COBLL1: variants seen among roughly 807,000 people sequenced by gnomAD.
COBLL1 encodes cordon-bleu WH2 repeat protein like 1.
A neutral mutation model predicts 94.8 loss-of-function variants in COBLL1; 50 were observed. The observed-to-expected ratio is 0.53, with a 90% CI of 0.42 to 0.67. COBLL1 has a LOEUF of 0.67. Ranked by LOEUF, COBLL1 falls within the 30% of genes least tolerant of loss-of-function variation. The probability of loss-of-function intolerance (pLI) is 0.00; values close to 1 mark genes in which losing one functional copy is unlikely to be tolerated. For missense variants in COBLL1, 1,362 were observed against 1,348.7 expected, an observed-to-expected ratio of 1.01 and a Z score of -0.15; for synonymous variants, 448 against 473.8, an observed-to-expected ratio of 0.95 and a Z score of 0.71.
chr2:164,765,166 TA>T (rs1191673749), intron 2 of COBLL1, among the ~76,000 whole-genome samples: 2 of 152,172 alleles, frequency 1.3e-5, no homozygotes, highest in Non-Finnish European at 2.9e-5. Flanking sequence ...TTAGCATCAC[TA>T]AATACTGGAC....
At position 164,754,407 on chromosome 2, in the gene COBLL1, C is replaced by T. The variant is rs777044818; in HGVS notation, c.42-10532G>A. Among the ~76,000 whole-genome samples the T allele has an allele frequency of 8.5e-5, 13 of 152,234 alleles. 1 individual carries two copies. Among genetic ancestry groups the T allele is most frequent in the Middle Eastern group, 6.8e-3 (2 of 294 alleles). ...TTTCTGAGATTAGGTTACGAAAAGACCATGGTGTTATTTTAGGTACCCTCC... is the reference window on the plus strand; with the variant it reads ...TTTCTGAGATTAGGTTACGAAAAGATCATGGTGTTATTTTAGGTACCCTCC... On this transcript the variant is annotated intron_variant, in intron 2 of 13. Coordinates refer to ENST00000652658, the MANE Select transcript of COBLL1 (RefSeq NM_001365672.2).
At chr2:164,707,294 T>C (rs1459469975) in intron 7 of COBLL1, among the ~76,000 whole-genome samples, 2 of 152,046 alleles carry the variant, frequency 1.3e-5, no homozygotes, top group Non-Finnish European at 2.9e-5. Flanking sequence ...GCATGCAATA[T>C]GACACCTGGC....
chr2:164,715,797 G>T (rs1376630553), intron 7 of COBLL1, among the ~76,000 whole-genome samples: 1 of 151,796 alleles, frequency 6.6e-6, no homozygotes, highest in Non-Finnish European at 1.5e-5. Flanking sequence ...TGCAAAATGA[G>T]ATAAAATAAA....
At chr2:164,717,693 G>T (rs1214082861) in intron 7 of COBLL1, among the ~76,000 whole-genome samples, 2 of 152,096 alleles carry the variant, frequency 1.3e-5, no homozygotes, top group East Asian at 3.9e-4. Flanking sequence ...AGCTGGGACT[G>T]CAGGCACACA....
intron 2 of COBLL1, among the ~76,000 whole-genome samples, chr2:164,801,451 A>C (rs957365252): frequency 8.3e-5 from 12 of 145,398 alleles, no homozygotes; most frequent in African/African-American, 3.1e-4. Context: ...AAAAAAAAAA[A>C]AAAAAAAAAA....
At chr2:164,725,372 A>T (rs1685674311) in intron 5 of COBLL1, among the ~76,000 whole-genome samples, 1 of 151,984 alleles carries the variant, frequency 6.6e-6, no homozygotes, top group African/African-American at 2.4e-5. Flanking sequence ...GTAGATGAAA[A>T]ATTCATATGG....
intron 2 of COBLL1, among the ~76,000 whole-genome samples, chr2:164,820,243 A>T (rs1328792773): frequency 6.6e-6 from 1 of 152,084 alleles, no homozygotes; most frequent in African/African-American, 2.4e-5. Context: ...GTTTTGAGAC[A>T]AGGTCTCACT....
Position 164,686,104 on chromosome 2 carries a change from A to C in COBLL1, c.3301-72T>G. On this transcript the variant is annotated intron_variant, in intron 13 of 13. Transcript: ENST00000652658. ...AGCTGTCTAATTTTCAATTTTCAAC[A>C]GTTACCACATTTTAACTTCTGCTTA... The C allele has an allele frequency of 5.9e-6, 4 of 681,332 alleles. No individual in the cohort carries two copies. In the South Asian group the frequency reaches 8.9e-5, roughly 15 times the overall value. The allele number at this position is 681,332 out of a possible 1,614,324, so 42.2% of individuals were successfully genotyped here.
chr2:164,664,387 T>C (rs572002000), intron 2 of COBLL1, among the ~76,000 whole-genome samples: 4 of 152,370 alleles, frequency 2.6e-5, no homozygotes, highest in East Asian at 1.9e-4. Context: ...ATTAGAGTCA[T>C]TGCCTATATT....
intron 2 of COBLL1, among the ~76,000 whole-genome samples, chr2:164,803,489 C>T (rs1683922574): frequency 6.6e-6 from 1 of 150,602 alleles, no homozygotes; most frequent in Non-Finnish European, 1.5e-5. Context: ...GGCGTGAACC[C>T]GGGAGGCGGA....
intron 2 of COBLL1, among the ~76,000 whole-genome samples, chr2:164,659,021 T>G (rs921308796): frequency 3.3e-5 from 5 of 152,176 alleles, no homozygotes; most frequent in African/African-American, 1.2e-4. Context: ...CAGCCAATAA[T>G]AATCTCCTAA....
chr2:164,706,090 C>T (rs1449147117), intron 7 of COBLL1, among the ~76,000 whole-genome samples: 1 of 152,136 alleles, frequency 6.6e-6, no homozygotes, highest in Admixed American at 6.5e-5. Flanking sequence ...TCCAATTTCT[C>T]TTATCCCACT....
At chr2:164,753,861 C>A (rs1687256226) in intron 2 of COBLL1, among the ~76,000 whole-genome samples, 1 of 151,686 alleles carries the variant, frequency 6.6e-6, no homozygotes, top group East Asian at 1.9e-4. Flanking sequence ...CGTGCCTCAG[C>A]CTCCTGAGTA....
chr2:164,662,314 T>A (rs1404057233), intron 2 of COBLL1, among the ~76,000 whole-genome samples: 1 of 152,138 alleles, frequency 6.6e-6, no homozygotes, highest in Non-Finnish European at 1.5e-5. Context: ...TAGTAAAGCA[T>A]AAGATTACAA....
In COBLL1 at chr2:164,841,613, C is replaced by T. The variant is rs1332176626; in HGVS notation, c.-51+97G>A. ...ACGCCGGCAGCGCACTCCCAGGCTC[C>T]TCCGGCCGAGTTTGCACAAACAAAA... On this transcript the variant is annotated intron_variant, in intron 1 of 13. Transcript: ENST00000652658. The surrounding 1 kb of genome is among the most constrained non-coding windows in gnomAD (Gnocchi z 5.5). 5.1e-5 allele frequency: 19 copies of T among 371,994 alleles called. No individual in the cohort carries two copies. Among genetic ancestry groups the T allele is most frequent in the Non-Finnish European group, 6.9e-5 (16 of 231,590 alleles). The allele number at this position is 371,994 out of a possible 1,614,324, so 23.0% of individuals were successfully genotyped here. A position where few individuals can be genotyped will look rare whatever the true frequency, so the allele number is the denominator to read the frequency against.
rs550669755 is a variant in COBLL1 at position 164,684,948 on chromosome 2, C to T, written c.*998G>A. On this transcript the variant is annotated 3_prime_UTR_variant, in exon 14 of 14. Coordinates refer to ENST00000652658, the MANE Select transcript of COBLL1 (RefSeq NM_001365672.2). ...TCTAGACTCCGGAAGAGCTGTAAGC[C>T]GACAAATGGGCATTGTTTTGCTTAA... 7 of 152,122 alleles carry T rather than the reference C, an allele frequency of 4.6e-5. No homozygotes were observed. The East Asian group carries it at 1.2e-3, about 25-fold the overall frequency. The allele number at this position is 152,122 out of a possible 1,614,324, so 9.4% of individuals were successfully genotyped here.
chr2:164,823,478 A>AATAT (rs1279084205), intron 2 of COBLL1, among the ~76,000 whole-genome samples: 14 of 152,114 alleles, frequency 9.2e-5, no homozygotes, highest in Admixed American at 9.2e-4. Flanking sequence ...GCAAACTTCC[A>AATAT]AACCTCTTAC....
chr2:164,673,177 T>C (rs1396694660), intron 1 of COBLL1, among the ~76,000 whole-genome samples: 1 of 152,236 alleles, frequency 6.6e-6, no homozygotes, highest in East Asian at 1.9e-4. Flanking sequence ...TTGTCTGTTC[T>C]CTTGTTAAAA....
intron 2 of COBLL1, among the ~76,000 whole-genome samples, chr2:164,761,906 C>T (rs1687701738): frequency 6.6e-6 from 1 of 152,190 alleles, no homozygotes; most frequent in Admixed American, 6.5e-5. Flanking sequence ...GCCCTTTTCA[C>T]CTTTTCTCAG....
Sources: allele counts gnomAD v4.1 joint callset (sites outside exome capture counted in the v4.1 genomes callset), GRCh38; gene constraint gnomAD v4.1.1; non-coding constraint Gnocchi (gnomAD v3.1); transcripts MANE v1.5; gene names NCBI Gene and HGNC (gene_info 2026-07-23, HGNC 2026-07-21).